The following PCDHA11 variants were observed in gnomAD, a reference collection of about 807,000 sequenced individuals.
PCDHA11 encodes protocadherin alpha-11.
PCDHA11 carries 61 observed loss-of-function variants against 70.3 expected under a neutral mutation model. The ratio of observed to expected loss-of-function variants is 0.87; its 90% confidence interval spans 0.71 to 1.07. PCDHA11 has a LOEUF of 1.07. PCDHA11 is among the 50% of genes least tolerant of loss of function. PCDHA11 has a pLI of 0.00. For missense variants in PCDHA11, 1,324 were observed against 1,237.5 expected (o/e 1.07, Z -1.05); for synonymous variants, 633 against 555.1 (o/e 1.14, Z -1.97).
intron 1 of PCDHA11, chr5:140,968,545 G>C: frequency 6.2e-7 from 1 of 1,614,182 alleles, no homozygotes; most frequent in Non-Finnish European, 8.5e-7. Flanking sequence ...CCTTCGAGAT[G>C]GTGCCTCGAA....
At chr5:141,005,632 G>C (rs2098225457) in intron 3 of PCDHA11, among the ~76,000 whole-genome samples, 2 of 148,162 alleles carry the variant, frequency 1.3e-5, no homozygotes, top group Non-Finnish European at 3.0e-5. Context: ...AACCCGGGAG[G>C]CGGAGCTTGC....
Position 140,971,633 on chromosome 5 carries a change from T to A in PCDHA11, c.2392-7316T>A, listed in dbSNP as rs540754440. 2.0e-5 allele frequency among the ~76,000 whole-genome samples: 3 copies of A among 152,294 alleles called. No individual in the cohort carries two copies. The South Asian group carries it at 6.2e-4, about 32-fold the overall frequency. On this transcript the variant is annotated intron_variant, in intron 1 of 3. Transcript: ENST00000398640. ...GAGTCCTGGGGTACAATTAGTACCA[T>A]GTGCCTACATTAAAAGTAGATGGGA...
chr5:140,871,093 G>C lies in PCDHA11; in HGVS notation c.1990G>C (p.Val664Leu). 1.9e-6 allele frequency: 3 copies of C among 1,613,300 alleles called. No individual in the cohort carries two copies. Among genetic ancestry groups the C allele is most frequent in the Non-Finnish European group, 2.5e-6 (3 of 1,179,882 alleles). ...GCCGGCGCTGACGGCCACGGCCACC[G>C]TGCTGGTGTCGTTGGTGGAGAGCGG... ...GEPALTATATVLVSLVESGQA... is the reference protein window; with the variant it reads ...GEPALTATATLLVSLVESGQA... The change falls in exon 1 of 4, where the codon GTG (valine) becomes CTG (leucine). Residue 664 changes from valine to leucine, a missense_variant. Physicochemically the swap from Val to Leu is conservative, Grantham distance 32. Coordinates refer to ENST00000398640, the MANE Select transcript of PCDHA11 (RefSeq NM_018902.5).
intron 1 of PCDHA11, chr5:140,876,781 G>A: frequency 6.2e-7 from 1 of 1,614,240 alleles, no homozygotes; most frequent in Non-Finnish European, 8.5e-7. Flanking sequence ...TTCGCTGTGG[G>A]CCACGGCTAG....
At chr5:140,969,470 T>G in intron 1 of PCDHA11, 1 of 1,483,706 alleles carries the variant, frequency 6.7e-7, no homozygotes, top group African/African-American at 1.4e-5. Context: ...TATCCACAAT[T>G]TGATCATAAT....
intron 1 of PCDHA11, among the ~76,000 whole-genome samples, chr5:140,889,560 T>C (rs2062271183): frequency 6.6e-6 from 1 of 152,204 alleles, no homozygotes. Context: ...TCTTCAGAAT[T>C]CTGCTTTCTG....
rs374310903 is a variant in PCDHA11 at position 140,968,575 on chromosome 5, G to A, written c.2392-10374G>A. 16 of 1,614,016 alleles carry A rather than the reference G, an allele frequency of 9.9e-6. No homozygotes were observed. In the African/African-American group the frequency reaches 2.1e-4, roughly 22 times the overall value. ...CTCGAACTGCCCCTGCTGGCTACCT[G>A]GTCACCAAAGTCATAGCTATGGACT... On this transcript the variant is annotated intron_variant, in intron 1 of 3. Transcript: ENST00000398640.
chr5:140,968,257 T>C (rs781932747), intron 1 of PCDHA11: 2 of 1,613,946 alleles, frequency 1.2e-6, no homozygotes, highest in East Asian at 2.2e-5. Context: ...CAGACCCAGA[T>C]GAAAAGGAGA....
chr5:140,967,201 A>G (rs1554229306), intron 1 of PCDHA11: 7 of 1,613,620 alleles, frequency 4.3e-6, no homozygotes, highest in Non-Finnish European at 5.9e-6. Flanking sequence ...ACGACAACTC[A>G]CCGCGTTTCC....
intron 3 of PCDHA11, among the ~76,000 whole-genome samples, chr5:140,993,229 C>T (rs1396962894): frequency 6.6e-6 from 1 of 152,092 alleles, no homozygotes; most frequent in Non-Finnish European, 1.5e-5. Flanking sequence ...GGTATGTTCT[C>T]TCTGAATCTG....
chr5:140,883,393 C>G, intron 1 of PCDHA11: 1 of 1,614,160 alleles, frequency 6.2e-7, no homozygotes, highest in South Asian at 1.1e-5. Context: ...TCAGTGTGTC[C>G]GATCGTGACT....
At chr5:140,966,396 C>T (rs770476013) in intron 1 of PCDHA11, 11 of 405,036 alleles carry the variant, frequency 2.7e-5, no homozygotes, top group Admixed American at 4.4e-5. Flanking sequence ...TCCGCCACTT[C>T]GGCGCGGAAT....
chr5:140,979,058 C>A, intron 2 of PCDHA11, 51 bp downstream of exon 2: 3 of 1,606,096 alleles, frequency 1.9e-6, no homozygotes, highest in Non-Finnish European at 2.6e-6. Context: ...CTTGGTATGG[C>A]TCAGATAAAC....
At chr5:140,997,688 G>C (rs1232415745) in intron 3 of PCDHA11, among the ~76,000 whole-genome samples, 1 of 151,990 alleles carries the variant, frequency 6.6e-6, no homozygotes, top group Non-Finnish European at 1.5e-5. Context: ...GTGTGTGTGT[G>C]TGTGTGTGTA....
At chr5:140,888,436 G>A (rs782695641) in intron 1 of PCDHA11, among the ~76,000 whole-genome samples, 5 of 152,104 alleles carry the variant, frequency 3.3e-5, no homozygotes, top group Non-Finnish European at 7.4e-5. Flanking sequence ...CAGGACAGCC[G>A]CCCAACAATA....
At chr5:140,910,137 T>A (rs2074898699) in intron 1 of PCDHA11, among the ~76,000 whole-genome samples, 1 of 152,232 alleles carries the variant, frequency 6.6e-6, no homozygotes, top group Non-Finnish European at 1.5e-5. Flanking sequence ...CTGGTTTAAG[T>A]CTGGAAATTG....
At chr5:140,962,747 G>A (rs1385433172) in intron 1 of PCDHA11, among the ~76,000 whole-genome samples, 1 of 152,142 alleles carries the variant, frequency 6.6e-6, no homozygotes, top group Non-Finnish European at 1.5e-5. Flanking sequence ...ATGAAGATCA[G>A]GAATCCTATT....
At chr5:140,880,123 C>T (rs1315267493) in intron 1 of PCDHA11, among the ~76,000 whole-genome samples, 3 of 152,118 alleles carry the variant, frequency 2.0e-5, no homozygotes, top group African/African-American at 7.2e-5. Flanking sequence ...CAACAGGAAG[C>T]TGAAATAAAG....
intron 1 of PCDHA11, among the ~76,000 whole-genome samples, chr5:140,941,202 C>CCTTTCTTCCTTCCTTTCTTTCTTTCTTT (rs1394736170): frequency 4.9e-5 from 6 of 122,740 alleles, no homozygotes; most frequent in Admixed American, 1.7e-4. Context: ...TTTCTTTCTT[C>CCTTTCTTCCTTCCTTTCTTTCTTTCTTT]CTTTCTTTCT....
Sources: allele counts gnomAD v4.1 joint callset (sites outside exome capture counted in the v4.1 genomes callset), GRCh38; gene constraint gnomAD v4.1.1; transcripts MANE v1.5; gene names NCBI Gene and HGNC (gene_info 2026-07-23, HGNC 2026-07-21).